The following PDE8A variants were observed in gnomAD, a reference collection of about 807,000 sequenced individuals.
The protein encoded by PDE8A is phosphodiesterase 8A.
Under a neutral mutation model 105.0 loss-of-function variants are expected in PDE8A, and 59 were observed. The observed-to-expected ratio is 0.56, with a 90% CI of 0.46 to 0.70. The LOEUF (loss-of-function observed/expected upper bound fraction) is 0.70, where lower values mean the gene tolerates loss of function less well. PDE8A is among the 30% of genes least tolerant of loss of function. The pLI, the probability that PDE8A is intolerant of heterozygous loss-of-function variation, is 0.00. For missense variants in PDE8A, 1,014 were observed against 1,045.9 expected (o/e 0.97, Z 0.42); for synonymous variants, 355 against 371.9 (o/e 0.95, Z 0.52).
At chr15:85,084,930 G>T (rs1241401729) in intron 6 of PDE8A, among the ~76,000 whole-genome samples, 1 of 152,112 alleles carries the variant, frequency 6.6e-6, no homozygotes, top group East Asian at 1.9e-4. Context: ...TTTGGAATCT[G>T]TCCACTTAAT....
chr15:85,137,675 G>C (rs1717080541), intron 21 of PDE8A, 122 bp from the exon 22 acceptor site: 1 of 641,186 alleles, frequency 1.6e-6, no homozygotes, highest in African/African-American at 1.8e-5. Context: ...TGTTTGCCCG[G>C]GTCTGTTTAG....
intron 1 of PDE8A, among the ~76,000 whole-genome samples, chr15:84,992,993 A>G (rs1263000936): frequency 6.6e-6 from 1 of 152,238 alleles, no homozygotes; most frequent in Non-Finnish European, 1.5e-5. Context: ...GGTTCACTGT[A>G]ATAGCATAAG....
chr15:85,113,882 AT>A lies in PDE8A; in HGVS notation c.1197del (p.Ile400SerfsTer12). On this transcript the variant is annotated frameshift_variant, in exon 14 of 22. Coordinates refer to ENST00000394553, the MANE Select transcript of PDE8A (RefSeq NM_002605.3). LOFTEE classifies it high-confidence loss of function. ...IEAPITKVIN[I>X]INAAQESSPM... The stretch of plus-strand genomic sequence containing the variant: ...TCTTTCCATAATGTAGGTAATCAAT[AT>A]TATCAATGCTGCCCAGGAAAGTAGT... 6.2e-7 allele frequency: 1 copy of A among 1,610,320 alleles called. No individual in the cohort carries two copies. Among genetic ancestry groups the A allele is most frequent in the Non-Finnish European group, 8.5e-7 (1 of 1,178,064 alleles).
At chr15:85,039,799 A>G (rs1488690483) in intron 1 of PDE8A, among the ~76,000 whole-genome samples, 5 of 152,258 alleles carry the variant, frequency 3.3e-5, no homozygotes, top group African/African-American at 1.2e-4. Context: ...CAACATGGAT[A>G]AACTTAGAGG....
chr15:85,026,918 G>A (rs528534741), intron 1 of PDE8A, among the ~76,000 whole-genome samples: 1 of 152,298 alleles, frequency 6.6e-6, no homozygotes, highest in South Asian at 2.1e-4. Context: ...ATGAGGTAAC[G>A]TTTTTCTTTC....
intron 3 of PDE8A, among the ~76,000 whole-genome samples, chr15:85,072,968 C>T (rs1246343637): frequency 1.5e-5 from 2 of 134,784 alleles, no homozygotes; most frequent in Non-Finnish European, 3.1e-5. Context: ...AAAAAATAAA[C>T]CAAGCATGGT....
chr15:85,122,168 G>C lies in PDE8A; in HGVS notation c.1953-893G>C, dbSNP rs560366423. Among the ~76,000 whole-genome samples the C allele has an allele frequency of 2.6e-5, 4 of 151,856 alleles. No individual in the cohort carries two copies. The East Asian group carries it at 5.8e-4, about 22-fold the overall frequency. ...TAATTATTCAATCCCAGATTTCTTC[G>C]TAGCACGTATCACATTTCTTATTTA... On this transcript the variant is annotated intron_variant, in intron 18 of 21. Transcript: ENST00000394553.
intron 1 of PDE8A, among the ~76,000 whole-genome samples, chr15:85,007,788 T>C (rs1373448158): frequency 6.6e-6 from 1 of 152,150 alleles, no homozygotes; most frequent in Non-Finnish European, 1.5e-5. Flanking sequence ...ATTTTTTAAA[T>C]AATTATTATA....
chr15:85,119,629 G>T (rs1390877917), intron 17 of PDE8A, among the ~76,000 whole-genome samples: 2 of 151,930 alleles, frequency 1.3e-5, no homozygotes, highest in East Asian at 1.9e-4. Flanking sequence ...TTCCAAAAAT[G>T]ATCTTATACT....
At chr15:85,037,811 A>G (rs1432365435) in intron 1 of PDE8A, among the ~76,000 whole-genome samples, 1 of 152,234 alleles carries the variant, frequency 6.6e-6, no homozygotes, top group African/African-American at 2.4e-5. Context: ...AGACAAAAAG[A>G]TCATTTCTCA....
At chr15:85,023,709 G>A (rs2141359576) in intron 1 of PDE8A, among the ~76,000 whole-genome samples, 1 of 152,300 alleles carries the variant, frequency 6.6e-6, no homozygotes, top group Non-Finnish European at 1.5e-5. Flanking sequence ...GCAGGGTAAG[G>A]TGAAGATCAC....
chr15:84,988,091 T>G (rs1208617551), intron 1 of PDE8A, among the ~76,000 whole-genome samples: 3 of 152,302 alleles, frequency 2.0e-5, no homozygotes, highest in East Asian at 3.9e-4. Context: ...GCTTTAAAGA[T>G]GTTATCTCAT....
chr15:85,054,027 AG>A (rs1470828537), intron 1 of PDE8A, among the ~76,000 whole-genome samples: 2 of 152,228 alleles, frequency 1.3e-5, no homozygotes, highest in Non-Finnish European at 2.9e-5. Context: ...TTTAGCATGA[AG>A]GGCTGTTGAA....
chr15:85,052,478 G>T (rs2141421452), intron 1 of PDE8A, among the ~76,000 whole-genome samples: 1 of 152,294 alleles, frequency 6.6e-6, no homozygotes, highest in South Asian at 2.1e-4. Flanking sequence ...ATCCTCTCCA[G>T]CGCCTGTTGT....
At chr15:85,107,291 G>A (rs2081960832) in intron 11 of PDE8A, among the ~76,000 whole-genome samples, 1 of 152,228 alleles carries the variant, frequency 6.6e-6, no homozygotes, top group Non-Finnish European at 1.5e-5. Flanking sequence ...GAGATAGGAG[G>A]TGCAGACCTC....
At chr15:85,068,141 A>T (rs1484921488) in intron 3 of PDE8A, among the ~76,000 whole-genome samples, 1 of 152,104 alleles carries the variant, frequency 6.6e-6, no homozygotes, top group East Asian at 1.9e-4. Context: ...CCAGGGTTCA[A>T]GGGATTCTCC....
chr15:84,981,233 CCGCCTGTCGTCGCCG>C (rs1413630564), upstream of PDE8A, among the ~76,000 whole-genome samples: 1 of 152,198 alleles, frequency 6.6e-6, no homozygotes. Context: ...GTCGGGCGCC[CCGCCTGTCGTCGCCG>C]CGCATGCTCA....
chr15:85,066,137 A>G (rs1224082173), intron 2 of PDE8A, among the ~76,000 whole-genome samples: 3 of 152,264 alleles, frequency 2.0e-5, no homozygotes, highest in East Asian at 3.8e-4. Flanking sequence ...AGCATTCACC[A>G]TCTGAGAACT....
intron 1 of PDE8A, among the ~76,000 whole-genome samples, chr15:85,051,947 AT>A (rs1346256806): frequency 6.6e-6 from 1 of 151,776 alleles, no homozygotes; most frequent in African/African-American, 2.4e-5. Context: ...CATTAGATAT[AT>A]CTCCTAATGC....
Sources: gnomAD v4.1 joint callset for allele counts (sites outside exome capture counted in the v4.1 genomes callset) on GRCh38, gnomAD v4.1.1 for gene constraint, MANE v1.5 for transcripts, NCBI Gene and HGNC (gene_info 2026-07-23, HGNC 2026-07-21) for gene names.